USP6NL: variants seen among roughly 807,000 people sequenced by gnomAD.
USP6NL encodes USP6 N-terminal-like protein.
Under a neutral mutation model 61.9 loss-of-function variants are expected in USP6NL, and 26 were observed. The observed-to-expected ratio is 0.42, with a 90% CI of 0.31 to 0.58. USP6NL has a LOEUF of 0.58. Ranked by LOEUF, USP6NL falls within the 20% of genes least tolerant of loss-of-function variation. The probability of loss-of-function intolerance (pLI) is 0.16; values close to 1 mark genes in which losing one functional copy is unlikely to be tolerated. For missense variants in USP6NL, 1,114 were observed against 1,034.3 expected (o/e 1.08, Z -1.06); for synonymous variants, 432 against 390.1 (o/e 1.11, Z -1.27).
intron 2 of USP6NL, among the ~76,000 whole-genome samples, chr10:11,581,019 A>G (rs1837746461): frequency 1.3e-5 from 2 of 152,170 alleles, no homozygotes; most frequent in South Asian, 4.1e-4. Flanking sequence ...CAGAGCAAAT[A>G]ATGTTATAAG....
In USP6NL at chr10:11,499,204, G is replaced by GA. The variant is rs1194977398; in HGVS notation, c.384+1896dup. Reference sequence around the variant, plus strand: ...GAGAGAGAAAGAGTGGATGAGAAAGGAAAAAAAAGTTGGCTAAATAATGAT... The same window carrying GA: ...GAGAGAGAAAGAGTGGATGAGAAAGGAAAAAAAAAGTTGGCTAAATAATGAT... On this transcript the variant is annotated intron_variant, in intron 7 of 14. Transcript: ENST00000609104. This position sits in a 1 kb window ranked among gnomAD's most constrained non-coding sequence, Gnocchi z 4.5. Among the ~76,000 whole-genome samples the GA allele has an allele frequency of 1.3e-5, 2 of 151,766 alleles. No individual in the cohort carries two copies. The highest frequency in any genetic ancestry group is 2.1e-4 in the South Asian group (1 of 4,800).
In USP6NL at chr10:11,476,527, A is replaced by G; in HGVS notation, c.1078+5243T>C. Among the ~76,000 whole-genome samples, 1 of 152,230 alleles carries G rather than the reference A, an allele frequency of 6.6e-6. No individual in the cohort carries two copies. Among genetic ancestry groups the G allele is most frequent in the Non-Finnish European group, 1.5e-5 (1 of 68,044 alleles). On this transcript the variant is annotated intron_variant, in intron 14 of 14. Coordinates refer to ENST00000609104, the MANE Select transcript of USP6NL (RefSeq NM_014688.5). This position sits in a 1 kb window ranked among gnomAD's most constrained non-coding sequence, Gnocchi z 4.3. ...TACAAAACATACAGAAATAAAATAAAGGTACAAAAATGCTAACAATAGTTA... is the reference window on the plus strand; with the variant it reads ...TACAAAACATACAGAAATAAAATAAGGGTACAAAAATGCTAACAATAGTTA...
chr10:11,530,229 G>A (rs937319536), intron 2 of USP6NL, among the ~76,000 whole-genome samples: 2 of 151,218 alleles, frequency 1.3e-5, no homozygotes, highest in Non-Finnish European at 2.9e-5. Flanking sequence ...AAATTCAATA[G>A]ATGAATGCTT....
chr10:11,546,482 A>G (rs1836276354), intron 2 of USP6NL, among the ~76,000 whole-genome samples: 1 of 152,018 alleles, frequency 6.6e-6, no homozygotes, highest in African/African-American at 2.4e-5. Flanking sequence ...GTTCACCGCA[A>G]CCTCCGCCTC....
At position 11,474,265 on chromosome 10, in the gene USP6NL, C is replaced by A. The variant is rs959019817; in HGVS notation, c.1078+7505G>T. Among the ~76,000 whole-genome samples, 1 of 152,070 alleles carries A rather than the reference C, an allele frequency of 6.6e-6. No homozygotes were observed. Among genetic ancestry groups the A allele is most frequent in the African/African-American group, 2.4e-5 (1 of 41,380 alleles). On this transcript the variant is annotated intron_variant, in intron 14 of 14. Coordinates refer to ENST00000609104, the MANE Select transcript of USP6NL (RefSeq NM_014688.5). This position sits in a 1 kb window ranked among gnomAD's most constrained non-coding sequence, Gnocchi z 4.9. ...ATTTGGCCAAGTTGGCCTTCTTATG[C>A]CAATTTAAAAATATGCAAATGAGTC...
intron 2 of USP6NL, among the ~76,000 whole-genome samples, chr10:11,572,494 A>G (rs1720128576): frequency 6.6e-6 from 1 of 152,034 alleles, no homozygotes; most frequent in Non-Finnish European, 1.5e-5. Context: ...AATGAAATAA[A>G]AAAAAAAAGA....
intron 2 of USP6NL, among the ~76,000 whole-genome samples, chr10:11,545,454 C>T (rs987326089): frequency 2.6e-5 from 4 of 152,192 alleles, no homozygotes; most frequent in African/African-American, 7.2e-5. Flanking sequence ...GTGAAGCTGC[C>T]GTGTTCCACC....
chr10:11,608,466 T>A (rs996047309), intron 1 of USP6NL, among the ~76,000 whole-genome samples: 1 of 152,120 alleles, frequency 6.6e-6, no homozygotes, highest in African/African-American at 2.4e-5. Context: ...TATTTAACCT[T>A]CCCAATCTCT....
rs144501940 is a variant in USP6NL, at chr10:11,535,149, G to A, written c.5-7582C>T. On this transcript the variant is annotated intron_variant, in intron 2 of 14. Coordinates refer to ENST00000609104, the MANE Select transcript of USP6NL (RefSeq NM_014688.5). ...CCCCTAAAGGTTAACAACCATTTCT[G>A]GGGGAAGAGGCAGAGGCAATGGGCC... Among the ~76,000 whole-genome samples the A allele has an allele frequency of 2.3e-3, 353 of 152,276 alleles. 1 individual carries two copies. The highest frequency in any genetic ancestry group is 7.8e-3 in the African/African-American group (326 of 41,550).
At position 11,462,611 on chromosome 10, in the gene USP6NL, GAA is replaced by G; in HGVS notation, c.2315_2316del (p.Phe772SerfsTer12). On this transcript the variant is annotated frameshift_variant, in exon 15 of 15. Coordinates refer to ENST00000609104, the MANE Select transcript of USP6NL (RefSeq NM_014688.5). LOFTEE classifies it high-confidence loss of function. ...PKYSAFQLAPFQDHGLPAVSV... is the reference protein window; with the variant it reads ...PKYSAFQLAPXQDHGLPAVSV... Reference sequence around the variant, plus strand: ...GAAACTGCAGGGAGGCCATGGTCCTGAAAGGGTGCGAGTTGAAAGGCTGAGTA... The same window carrying G: ...GAAACTGCAGGGAGGCCATGGTCCTGAGGGTGCGAGTTGAAAGGCTGAGTA... The G allele has an allele frequency of 6.2e-7, 1 of 1,614,022 alleles. No homozygotes were observed. The highest frequency in any genetic ancestry group is 8.5e-7 in the Non-Finnish European group (1 of 1,179,906).
Position 11,490,778 on chromosome 10 carries a change from G to C in USP6NL, c.543+54C>G. On this transcript the variant is annotated intron_variant, in intron 9 of 14. Transcript: ENST00000609104. The surrounding 1 kb of genome is among the most constrained non-coding windows in gnomAD (Gnocchi z 4.5). ...TGTGCCCACAGGGCCCTGCTAAGTA[G>C]GGAGTACCTCAGAATACAACTCAAA... 1 of 1,515,204 alleles carries C rather than the reference G, an allele frequency of 6.6e-7. No individual in the cohort carries two copies. Among genetic ancestry groups the C allele is most frequent in the Non-Finnish European group, 8.9e-7 (1 of 1,122,542 alleles). The allele number at this position is 1,515,204 out of a possible 1,614,324, so 93.9% of individuals were successfully genotyped here.
rs2133221278 is a variant in USP6NL at position 11,481,600 on chromosome 10, C to T, written c.1078+170G>A. On this transcript the variant is annotated intron_variant, in intron 14 of 14. Transcript: ENST00000609104. The surrounding 1 kb of genome is among the most constrained non-coding windows in gnomAD (Gnocchi z 4.4). ...TTAATTAATATGTTTATTTGCCTTT[C>T]CCTAAAATAAGGAAAAAGCCAAAGC... 6.6e-6 allele frequency among the ~76,000 whole-genome samples: 1 copy of T among 152,312 alleles called. No individual in the cohort carries two copies. Among genetic ancestry groups the T allele is most frequent in the East Asian group, 1.9e-4 (1 of 5,192 alleles).
intron 1 of USP6NL, among the ~76,000 whole-genome samples, chr10:11,604,387 T>C (rs1838644610): frequency 6.6e-6 from 1 of 152,150 alleles, no homozygotes; most frequent in Non-Finnish European, 1.5e-5. Flanking sequence ...TCTAAAATGT[T>C]GGTTATATGT....
chr10:11,579,963 CG>C (rs1195295759), intron 2 of USP6NL, among the ~76,000 whole-genome samples: 1,252 of 102,286 alleles, frequency 0.012, 89 homozygotes, highest in Middle Eastern at 0.035. Context: ...TGGAGAGTGG[CG>C]GGGGGGGGGC....
rs1213137920 is a variant in USP6NL at position 11,525,017 on chromosome 10, CT to C, written c.155+368del. On this transcript the variant is annotated intron_variant, in intron 4 of 14. Coordinates refer to ENST00000609104, the MANE Select transcript of USP6NL (RefSeq NM_014688.5). This position sits in a 1 kb window ranked among gnomAD's most constrained non-coding sequence, Gnocchi z 5.0. ...TTTCTTTACAAGGCTAATTTTCAGGCTGCATAACACTAAAGTTCGAATTGCT... is the reference window on the plus strand; with the variant it reads ...TTTCTTTACAAGGCTAATTTTCAGGCGCATAACACTAAAGTTCGAATTGCT... 1.3e-5 allele frequency among the ~76,000 whole-genome samples: 2 copies of C among 152,120 alleles called. No individual in the cohort carries two copies. The highest frequency in any genetic ancestry group is 2.9e-5 in the Non-Finnish European group (2 of 68,000).
In USP6NL at chr10:11,597,635, G is replaced by T; in HGVS notation, c.-1C>A. ...GAAAGGAAGCAGCGCACTTACTCAT[G>T]ACTGGAAATGGGTCTGAATGTTGTC... On this transcript the variant is annotated 5_prime_UTR_variant, in exon 2 of 15. Transcript: ENST00000609104. This position sits in a 1 kb window ranked among gnomAD's most constrained non-coding sequence, Gnocchi z 4.6. The T allele has an allele frequency of 6.4e-7, 1 of 1,551,520 alleles. No homozygotes were observed.
At chr10:11,556,344 C>A (rs1836705325) in intron 2 of USP6NL, among the ~76,000 whole-genome samples, 1 of 151,738 alleles carries the variant, frequency 6.6e-6, no homozygotes, top group Admixed American at 6.6e-5. Flanking sequence ...TTTTAATAAT[C>A]CAAAAGATGA....
At chr10:11,554,119 G>C (rs980642874) in intron 2 of USP6NL, among the ~76,000 whole-genome samples, 2 of 152,140 alleles carry the variant, frequency 1.3e-5, no homozygotes, top group Admixed American at 1.3e-4. Context: ...CATTTGTATT[G>C]CAGACAGAAG....
In USP6NL at chr10:11,575,772, T is replaced by C. The variant is rs575699804; in HGVS notation, c.4+21859A>G. On this transcript the variant is annotated intron_variant, in intron 2 of 14. Coordinates refer to ENST00000609104, the MANE Select transcript of USP6NL (RefSeq NM_014688.5). This position sits in a 1 kb window ranked among gnomAD's most constrained non-coding sequence, Gnocchi z 4.2. ...ATCTGATCACATACTCTGATGTATGTAACTGAGCTGAACTCTTTAAAATGC... is the reference window on the plus strand; with the variant it reads ...ATCTGATCACATACTCTGATGTATGCAACTGAGCTGAACTCTTTAAAATGC... Among the ~76,000 whole-genome samples, 5 of 152,326 alleles carry C rather than the reference T, an allele frequency of 3.3e-5. No individual in the cohort carries two copies. The South Asian group carries it at 1.0e-3, about 32-fold the overall frequency.
Sources: gnomAD v4.1 joint callset for allele counts (sites outside exome capture counted in the v4.1 genomes callset) on GRCh38, gnomAD v4.1.1 for gene constraint, Gnocchi (gnomAD v3.1) non-coding constraint, MANE v1.5 for transcripts, NCBI Gene and HGNC (gene_info 2026-07-23, HGNC 2026-07-21) for gene names.